The following MGAT4C variants were observed in gnomAD, a reference collection of about 807,000 sequenced individuals.
MGAT4C encodes the protein MGAT4 family member C.
A neutral mutation model predicts 40.1 loss-of-function variants in MGAT4C; 19 were observed. That is an observed-to-expected ratio of 0.47 (90% CI 0.33 to 0.70). The LOEUF is 0.70. MGAT4C is among the 30% of genes least tolerant of loss of function. The pLI is 0.02. For synonymous variants in MGAT4C, 181 were observed against 187.1 expected (o/e 0.97, Z 0.27); for missense variants, 491 against 563.2 (o/e 0.87, Z 1.30).
chr12:86,055,440 A>G (rs1232969254), intron 1 of MGAT4C, among the ~76,000 whole-genome samples: 1 of 152,110 alleles, frequency 6.6e-6, no homozygotes, highest in Non-Finnish European at 1.5e-5. Context: ...CATTCCTGAT[A>G]ATGAGAACCA....
chr12:86,585,621 A>G (rs578144815), intron 2 of MGAT4C, among the ~76,000 whole-genome samples: 3 of 151,546 alleles, frequency 2.0e-5, no homozygotes, highest in African/African-American at 7.2e-5. Flanking sequence ...TTGGCTTCTG[A>G]AACCTTTGCT....
intron 1 of MGAT4C, among the ~76,000 whole-genome samples, chr12:86,778,161 C>A (rs757727310): frequency 6.6e-6 from 1 of 151,830 alleles, no homozygotes; most frequent in Admixed American, 6.6e-5. Flanking sequence ...GTAAGCAAGA[C>A]GAAAGATAAG....
At chr12:86,013,764 TG>T (rs2136830866) in intron 2 of MGAT4C, 2 of 980,334 alleles carry the variant, frequency 2.0e-6, no homozygotes, top group Non-Finnish European at 2.4e-6. Context: ...AGAATCTTAG[TG>T]AAAAAAAAAA....
At chr12:86,434,065 C>G (rs577821069) in intron 3 of MGAT4C, among the ~76,000 whole-genome samples, 4 of 152,028 alleles carry the variant, frequency 2.6e-5, no homozygotes, top group African/African-American at 4.8e-5. Flanking sequence ...AACTTTGAAG[C>G]CTGGAAGGCT....
chr12:86,823,628 G>T (rs1381685449), intron 1 of MGAT4C, among the ~76,000 whole-genome samples: 1 of 150,736 alleles, frequency 6.6e-6, no homozygotes, highest in Non-Finnish European at 1.5e-5. Flanking sequence ...ATCCAGGATA[G>T]AAAATGGGCA....
At chr12:86,501,457 T>G (rs1434118518) in intron 2 of MGAT4C, among the ~76,000 whole-genome samples, 1 of 152,046 alleles carries the variant, frequency 6.6e-6, no homozygotes, top group African/African-American at 2.4e-5. Flanking sequence ...AAGCTCAGCA[T>G]GCATTACCTC....
chr12:86,043,021 C>T (rs1330269938), intron 2 of MGAT4C, among the ~76,000 whole-genome samples: 5 of 151,988 alleles, frequency 3.3e-5, no homozygotes, highest in African/African-American at 7.2e-5. Context: ...TCTTTCATTT[C>T]GATCTTAGAG....
intron 2 of MGAT4C, among the ~76,000 whole-genome samples, chr12:86,013,322 C>T (rs367712911): frequency 1.1e-4 from 16 of 152,088 alleles, no homozygotes; most frequent in Admixed American, 8.5e-4. Flanking sequence ...GGCGCGATCT[C>T]GGTTCACTGC....
At chr12:86,345,949 A>C (rs902037274) in intron 3 of MGAT4C, among the ~76,000 whole-genome samples, 5 of 152,308 alleles carry the variant, frequency 3.3e-5, no homozygotes, top group African/African-American at 1.2e-4. Flanking sequence ...CGCCATTCTA[A>C]CTGGTGTGAG....
At chr12:86,119,409 T>A (rs1878980529) in intron 1 of MGAT4C, among the ~76,000 whole-genome samples, 1 of 152,048 alleles carries the variant, frequency 6.6e-6, no homozygotes, top group African/African-American at 2.4e-5. Flanking sequence ...CCGTTTTCAT[T>A]AAGTATTTTT....
Position 86,760,361 on chromosome 12 carries a change from G to A in MGAT4C, c.-261-33120C>T, listed in dbSNP as rs192329717. Among the ~76,000 whole-genome samples, 21 of 152,086 alleles carry A rather than the reference G, an allele frequency of 1.4e-4. No individual in the cohort carries two copies. In the East Asian group the frequency reaches 2.7e-3, roughly 20 times the overall value. On this transcript the variant is annotated intron_variant, in intron 1 of 7. Coordinates refer to the MGAT4C transcript ENST00000548651. ...AGCTCCATGACACTGACTTAGGCAC[G>A]GATTTTTGTTTTTGTTTTTGTTTTT...
At chr12:86,133,301 T>C (rs1881503939) in intron 1 of MGAT4C, among the ~76,000 whole-genome samples, 2 of 152,364 alleles carry the variant, frequency 1.3e-5, no homozygotes, top group South Asian at 2.1e-4. Context: ...TACTTAAGCA[T>C]TGCAGTAGCC....
intron 3 of MGAT4C, among the ~76,000 whole-genome samples, chr12:86,363,735 A>G (rs2136204597): frequency 6.6e-6 from 1 of 152,246 alleles, no homozygotes; most frequent in Non-Finnish European, 1.5e-5. Flanking sequence ...TCAACCAAAG[A>G]AAGGAACAGA....
At chr12:86,618,477 C>T (rs2136485186) in intron 2 of MGAT4C, among the ~76,000 whole-genome samples, 2 of 152,198 alleles carry the variant, frequency 1.3e-5, no homozygotes, top group South Asian at 4.1e-4. Flanking sequence ...AAATACACAA[C>T]TGAATACTAT....
chr12:86,165,291 T>A lies in MGAT4C; in HGVS notation c.-57+90948A>T, dbSNP rs1209390866. On this transcript the variant is annotated intron_variant, in intron 1 of 4. Coordinates refer to ENST00000611864, the MANE Select transcript of MGAT4C (RefSeq NM_001351288.2). ...TTGACAACATCACAAATATATGTAG[T>A]TAATATACTCTTTAAAAATTAAACA... is the stretch of plus-strand genomic sequence containing the variant. Among the ~76,000 whole-genome samples the A allele has an allele frequency of 2.0e-5, 3 of 152,158 alleles. No homozygotes were observed. The East Asian group carries it at 5.8e-4, about 29-fold the overall frequency.
intron 1 of MGAT4C, among the ~76,000 whole-genome samples, chr12:86,143,541 T>C (rs1341210486): frequency 2.0e-5 from 3 of 152,140 alleles, no homozygotes; most frequent in African/African-American, 7.2e-5. Context: ...AAGGAAAAAT[T>C]TACGCTTAGG....
At chr12:86,329,245 A>G (rs1227158556) in intron 4 of MGAT4C, among the ~76,000 whole-genome samples, 2 of 151,670 alleles carry the variant, frequency 1.3e-5, no homozygotes, top group East Asian at 2.0e-4. Context: ...AATGCAACAA[A>G]AATAATAGAA....
intron 3 of MGAT4C, among the ~76,000 whole-genome samples, chr12:86,396,616 G>C (rs1042476013): frequency 1.3e-5 from 2 of 152,124 alleles, no homozygotes; most frequent in African/African-American, 4.8e-5. Flanking sequence ...AAAACACAAA[G>C]GTGGGGGAGA....
At chr12:86,088,358 C>A (rs1475219448) in intron 1 of MGAT4C, among the ~76,000 whole-genome samples, 1 of 151,946 alleles carries the variant, frequency 6.6e-6, no homozygotes, top group Non-Finnish European at 1.5e-5. Flanking sequence ...GCAACAAAAA[C>A]AAAAACTGAC....
Sources: gnomAD v4.1 joint callset for allele counts (sites outside exome capture counted in the v4.1 genomes callset) on GRCh38, gnomAD v4.1.1 for gene constraint, MANE v1.5 for transcripts, NCBI Gene and HGNC (gene_info 2026-07-23, HGNC 2026-07-21) for gene names.